The following GNAI2 variants were observed in gnomAD, a reference collection of about 807,000 sequenced individuals.
GNAI2 encodes the protein G protein subunit alpha i2, also known as guanine nucleotide-binding protein G(i) subunit alpha-2.
GNAI2 carries 4 observed loss-of-function variants against 36.8 expected under a neutral mutation model. The observed-to-expected ratio is 0.11, with a 90% CI of 0.05 to 0.25. GNAI2 has a LOEUF of 0.25. GNAI2 is among the 10% of genes least tolerant of loss of function. The pLI, the probability that GNAI2 is intolerant of heterozygous loss-of-function variation, is 1.00. For missense variants in GNAI2, 230 were observed against 481.3 expected (o/e 0.48, Z 4.89); for synonymous variants, 194 against 194.1 (o/e 1.00, Z 0.01).
At chr3:50,239,942 C>T (rs1378967249) in intron 1 of GNAI2, 1 of 152,264 alleles carries the variant, frequency 6.6e-6, no homozygotes, top group Non-Finnish European at 1.5e-5. Flanking sequence ...TGGTACTGGC[C>T]AGTGCAGAGA....
chr3:50,257,250 G>C (rs1700724096), intron 7 of GNAI2, among the ~76,000 whole-genome samples, 160 bp downstream of exon 7: 1 of 152,210 alleles, frequency 6.6e-6, no homozygotes, highest in South Asian at 2.1e-4. Context: ...AGTTGTGTGT[G>C]CACACATGAA....
At chr3:50,254,224 C>T (rs587645762) in intron 4 of GNAI2, among the ~76,000 whole-genome samples, 3 of 152,198 alleles carry the variant, frequency 2.0e-5, no homozygotes, top group East Asian at 3.9e-4. Flanking sequence ...GAGGACCCCA[C>T]GGGGAACAGG....
At chr3:50,236,107 A>T, upstream of GNAI2, 1 of 970,968 alleles carries the variant, frequency 1.0e-6, no homozygotes, top group East Asian at 4.8e-5. This position sits in a 1 kb window ranked among gnomAD's most constrained non-coding sequence, Gnocchi z 4.0. Context: ...CCCCGCCTGC[A>T]AGCCCGCCCC....
At chr3:50,244,149 C>G (rs1700362082) in intron 1 of GNAI2, among the ~76,000 whole-genome samples, 2 of 151,946 alleles carry the variant, frequency 1.3e-5, no homozygotes, top group South Asian at 4.2e-4. Context: ...CTGCCTCAGC[C>G]TCCTGAGTAG....
intron 1 of GNAI2, among the ~76,000 whole-genome samples, chr3:50,244,354 T>G (rs1215996840): frequency 1.3e-5 from 2 of 152,236 alleles, no homozygotes; most frequent in Non-Finnish European, 2.9e-5. Flanking sequence ...GACTTCCCAC[T>G]TTTTCTCCTA....
At chr3:50,250,862 C>A (rs1241543638) in intron 1 of GNAI2, among the ~76,000 whole-genome samples, 1 of 150,626 alleles carries the variant, frequency 6.6e-6, no homozygotes, top group South Asian at 2.1e-4. Flanking sequence ...CAGGCTGGAG[C>A]GCAATGGCAC....
At chr3:50,251,735 G>C (rs781998665) in intron 1 of GNAI2, 1 of 1,321,896 alleles carries the variant, frequency 7.6e-7, no homozygotes, top group East Asian at 4.5e-5. Flanking sequence ...GCATGCACCA[G>C]CTGCACAGGT....
chr3:50,229,910 T>TCTTTTACC, upstream of GNAI2: 2 of 152,268 alleles, frequency 1.3e-5, no homozygotes, highest in Non-Finnish European at 2.9e-5. Context: ...TGGCAGGCAA[T>TCTTTTACC]ATGTTCAGGG....
intron 5 of GNAI2, 107 bp downstream of exon 5, chr3:50,256,427 G>A: frequency 9.2e-7 from 1 of 1,081,712 alleles, no homozygotes. Flanking sequence ...GTTTTACAAG[G>A]CTCATGTGTT....
upstream of GNAI2, chr3:50,235,154 C>G (rs1160397952): frequency 6.6e-6 from 1 of 152,304 alleles, no homozygotes; most frequent in Non-Finnish European, 1.5e-5. Flanking sequence ...CCCTCTCATC[C>G]TCTCTCCCTT....
upstream of GNAI2, among the ~76,000 whole-genome samples, chr3:50,232,009 C>T (rs587702715): frequency 1.3e-5 from 2 of 149,576 alleles, no homozygotes; most frequent in East Asian, 3.9e-4. Flanking sequence ...CCAGCCTGGA[C>T]AACATGGTGA....
In GNAI2 at chr3:50,257,044, G is replaced by C. The variant is rs781895740; in HGVS notation, c.831G>C (p.Glu277Asp). Residue 277 changes from glutamate (E) to aspartate (D), a missense_variant, in exon 7 of 9, where the codon GAG (glutamate) becomes GAC (aspartate). Glu to Asp is a conservative substitution (Grantham distance 45). Transcript: ENST00000313601. ...TCAACAAGAAGGACCTGTTTGAGGAGAAGATCACACACAGTCCCCTGACCA... is the reference window on the plus strand; with the variant it reads ...TCAACAAGAAGGACCTGTTTGAGGACAAGATCACACACAGTCCCCTGACCA... ...LFLNKKDLFE[E>D]KITHSPLTIC... 1.2e-6 allele frequency: 2 copies of C among 1,613,978 alleles called. No homozygotes were observed. Among genetic ancestry groups the C allele is most frequent in the Admixed American group, 3.3e-5 (2 of 60,024 alleles).
At chr3:50,251,520 A>G (rs1300994282) in intron 1 of GNAI2, 8 of 1,124,290 alleles carry the variant, frequency 7.1e-6, no homozygotes, top group Non-Finnish European at 8.8e-6. Context: ...CTAGCCTTCT[A>G]GCCTCCATCT....
rs782320693 is a variant in GNAI2 at position 50,251,648 on chromosome 3, GAGA to G, written c.119-446_119-444del. ...CCTGGTTGCTAAGGCTCAGTGTGGG[GAGA>G]AGAAGGGCTGCTACCCTGTTGGATG... is the stretch of plus-strand genomic sequence containing the variant. On this transcript the variant is annotated intron_variant, in intron 1 of 8. Transcript: ENST00000313601. The G allele has an allele frequency of 5.5e-5, 73 of 1,331,404 alleles. No individual in the cohort carries two copies. In the East Asian group the frequency reaches 8.4e-4, roughly 15 times the overall value. The allele number at this position is 1,331,404 out of a possible 1,614,324, so 82.5% of individuals were successfully genotyped here.
At position 50,255,084 on chromosome 3, in the gene GNAI2, T is replaced by C. The variant is rs1425887828; in HGVS notation, c.465-1108T>C. The stretch of plus-strand genomic sequence containing the variant: ...ACAGCACATGCGTCATCCTTCCCCA[T>C]GGCCCTTCCTGTTTTTCTGTTTTGT... On this transcript the variant is annotated intron_variant, in intron 4 of 8. Transcript: ENST00000313601. This position sits in a 1 kb window ranked among gnomAD's most constrained non-coding sequence, Gnocchi z 4.0. 6.6e-6 allele frequency among the ~76,000 whole-genome samples: 1 copy of C among 152,212 alleles called. No homozygotes were observed.
rs1190282606 is a variant in GNAI2, at chr3:50,253,215, GGC to G, written c.464+32_464+33del. ...TGCTCTGAGGGGCTGGGCAGGGCAG[GGC>G]AGGGGCTGGGGGAGGACTAAAGGCT... On this transcript the variant is annotated intron_variant, in intron 4 of 8. Coordinates refer to ENST00000313601, the MANE Select transcript of GNAI2 (RefSeq NM_002070.4). This position sits in a 1 kb window ranked among gnomAD's most constrained non-coding sequence, Gnocchi z 4.2. 39 of 1,573,978 alleles carry G rather than the reference GGC, an allele frequency of 2.5e-5. No homozygotes were observed. The highest frequency in any genetic ancestry group is 3.0e-5 in the Non-Finnish European group (35 of 1,147,996).
chr3:50,233,823 T>G (rs920726894), upstream of GNAI2, among the ~76,000 whole-genome samples: 1 of 151,490 alleles, frequency 6.6e-6, no homozygotes, highest in Admixed American at 6.6e-5. Context: ...CAGATAGGGA[T>G]ATGCAGACAC....
upstream of GNAI2, chr3:50,227,350 C>T: frequency 2.4e-6 from 1 of 412,332 alleles, no homozygotes; most frequent in Non-Finnish European, 4.3e-6. The surrounding 1 kb of genome is among the most constrained non-coding windows in gnomAD (Gnocchi z 5.9). Flanking sequence ...AGTGGCAGGT[C>T]GGCGGAGGCG....
chr3:50,250,461 A>G (rs782381799), intron 1 of GNAI2, among the ~76,000 whole-genome samples: 17 of 152,206 alleles, frequency 1.1e-4, no homozygotes, highest in Non-Finnish European at 2.5e-4. Flanking sequence ...TGAATGGGGC[A>G]TGGGGCACGT....
Sources: allele counts gnomAD v4.1 joint callset (sites outside exome capture counted in the v4.1 genomes callset), GRCh38; gene constraint gnomAD v4.1.1; non-coding constraint Gnocchi (gnomAD v3.1); transcripts MANE v1.5; gene names NCBI Gene and HGNC (gene_info 2026-07-23, HGNC 2026-07-21).